Variants in IFT140 observed in about 807,000 individuals in gnomAD.
IFT140 encodes the protein intraflagellar transport protein 140 homolog.
Under a neutral mutation model 164.6 loss-of-function variants are expected in IFT140, and 133 were observed. The ratio of observed to expected loss-of-function variants is 0.81; its 90% confidence interval spans 0.70 to 0.93. IFT140 has a LOEUF of 0.93. Among genes scored for constraint, IFT140 ranks in the 40% least tolerant of loss-of-function variants. IFT140 has a pLI of 0.00. For synonymous variants in IFT140, 860 were observed against 817.3 expected (o/e 1.05, Z -0.89); for missense variants, 2,045 against 1,972.3 (o/e 1.04, Z -0.70).
chr16:1,518,378 G>A, intron 29 of IFT140, 21 bp from the exon 30 acceptor site: 2 of 1,606,278 alleles, frequency 1.2e-6, no homozygotes, highest in Non-Finnish European at 1.7e-6. Flanking sequence ...CAGAGATGAG[G>A]CCTGGGCCCC....
chr16:1,526,935 C>G (rs2040720265), intron 19 of IFT140, 139 bp from the exon 20 acceptor site: 1 of 953,806 alleles, frequency 1.0e-6, no homozygotes. Context: ...CCCATCGGCT[C>G]CGCCCCTGGG....
chr16:1,601,966 C>T (rs932129799), intron 4 of IFT140, among the ~76,000 whole-genome samples: 2 of 152,208 alleles, frequency 1.3e-5, no homozygotes, highest in Non-Finnish European at 2.9e-5. Context: ...GGGCAGCATC[C>T]ACCACCCACC....
intron 30 of IFT140, among the ~76,000 whole-genome samples, chr16:1,513,853 T>C (rs1007770275): frequency 3.4e-5 from 5 of 145,522 alleles, no homozygotes; most frequent in Non-Finnish European, 7.5e-5. Flanking sequence ...TTTTGTATTT[T>C]TAGTAGAGAC....
At chr16:1,583,609 T>C (rs1000609730) in intron 11 of IFT140, among the ~76,000 whole-genome samples, 4 of 151,924 alleles carry the variant, frequency 2.6e-5, no homozygotes, top group Non-Finnish European at 4.4e-5. Flanking sequence ...CTGTTTTTTT[T>C]TTTCTTTTTT....
intron 6 of IFT140, among the ~76,000 whole-genome samples, chr16:1,591,615 T>A (rs2141904252): frequency 6.6e-6 from 1 of 152,286 alleles, no homozygotes; most frequent in Admixed American, 6.5e-5. Flanking sequence ...TTCTTTTAAC[T>A]TCATATTGCA....
rs1035592195 is a variant in IFT140, at chr16:1,553,949, G to C, written c.2399+3986C>G. ...GCTCCTCAAAGATAAAACTGTAAGTGAAACTGTAGCATCAGCGACTAACTA... is the reference window on the plus strand; with the variant it reads ...GCTCCTCAAAGATAAAACTGTAAGTCAAACTGTAGCATCAGCGACTAACTA... On this transcript the variant is annotated intron_variant, in intron 19 of 30. Coordinates refer to ENST00000426508, the MANE Select transcript of IFT140 (RefSeq NM_014714.4). The surrounding 1 kb of genome is among the most constrained non-coding windows in gnomAD (Gnocchi z 4.4). 1 of 1,286,688 alleles carries C rather than the reference G, an allele frequency of 7.8e-7. No homozygotes were observed. Among genetic ancestry groups the C allele is most frequent in the Non-Finnish European group, 1.0e-6 (1 of 988,364 alleles). 79.7% of individuals were successfully genotyped at this position (1,286,688 alleles called of 1,614,324 possible). A position where few individuals can be genotyped will look rare whatever the true frequency, so the allele number is the denominator to read the frequency against.
At chr16:1,568,388 T>C (rs754736976) in intron 14 of IFT140, 54 bp from the exon 15 acceptor site, 1 of 1,394,482 alleles carries the variant, frequency 7.2e-7, no homozygotes, top group Non-Finnish European at 1.0e-6. Flanking sequence ...TTCCCAATTC[T>C]CCGCCCACCC....
intron 18 of IFT140, 144 bp from the exon 19 acceptor site, chr16:1,558,278 T>C (rs944986955): frequency 5.1e-6 from 4 of 779,936 alleles, no homozygotes; most frequent in South Asian, 1.8e-5. Context: ...GCCCAGTCCC[T>C]GCCAGATGCC....
Position 1,523,394 on chromosome 16 carries a change from C to T in IFT140, c.3453+124G>A, listed in dbSNP as rs537329295. Reference sequence around the variant, plus strand: ...TATGTGAAACCTAGGGCAGGGGGCACCCACCGCAGCCTTCCTGGAGAACTC... The same window carrying T: ...TATGTGAAACCTAGGGCAGGGGGCATCCACCGCAGCCTTCCTGGAGAACTC... On this transcript the variant is annotated intron_variant, in intron 26 of 30. Transcript: ENST00000426508. The T allele has an allele frequency of 5.9e-6, 6 of 1,018,872 alleles. No homozygotes were observed. The South Asian group carries it at 6.4e-5, about 11-fold the overall frequency. 63.1% of individuals were successfully genotyped at this position (1,018,872 alleles called of 1,614,324 possible). A position where few individuals can be genotyped will look rare whatever the true frequency, so the allele number is the denominator to read the frequency against.
In IFT140 at chr16:1,588,764, T is replaced by C. The variant is rs567192294; in HGVS notation, c.811-740A>G. On this transcript the variant is annotated intron_variant, in intron 7 of 30. Transcript: ENST00000426508. ...TTAAAGCAAGGTCTGTGGACTGAACTGCATACCCCAAACTCATATGTGGGA... is the reference window on the plus strand; with the variant it reads ...TTAAAGCAAGGTCTGTGGACTGAACCGCATACCCCAAACTCATATGTGGGA... Among the ~76,000 whole-genome samples, 246 of 152,232 alleles carry C rather than the reference T, an allele frequency of 1.6e-3. 1 individual carries two copies. The highest frequency in any genetic ancestry group is 5.6e-3 in the African/African-American group (232 of 41,532).
intron 19 of IFT140, among the ~76,000 whole-genome samples, chr16:1,544,253 G>A (rs1334853319): frequency 6.6e-6 from 1 of 150,600 alleles, no homozygotes; most frequent in African/African-American, 2.5e-5. Flanking sequence ...GCACAATCTC[G>A]GCTCACTGCA....
intron 13 of IFT140, chr16:1,580,157 T>C (rs924832839): frequency 3.3e-5 from 5 of 152,262 alleles, no homozygotes; most frequent in Non-Finnish European, 2.9e-5. Flanking sequence ...TGCAAAGTCA[T>C]CCTTTTCACT....
Position 1,584,270 on chromosome 16 carries a change from C to G in IFT140, c.1306G>C (p.Val436Leu). The G allele has an allele frequency of 6.2e-7, 1 of 1,613,828 alleles. No homozygotes were observed. The highest frequency in any genetic ancestry group is 2.2e-5 in the East Asian group (1 of 44,882). Residue 436 changes from valine to leucine, a missense_variant, in exon 11 of 31, where the codon GTC becomes CTC. Transcript: ENST00000426508. ...ATGTCGGTGCGCAGGCTGTGTGCGACCCCCGTGGACAGGAAGCACACATTC... is the reference window on the plus strand; with the variant it reads ...ATGTCGGTGCGCAGGCTGTGTGCGAGCCCCGTGGACAGGAAGCACACATTC... Reference protein sequence around the residue: ...LLNVCFLSTGVAHSLRTDMHI... With the variant: ...LLNVCFLSTGLAHSLRTDMHI...
intron 19 of IFT140, chr16:1,541,091 A>C (rs2031588231): frequency 2.0e-6 from 2 of 985,206 alleles, no homozygotes; most frequent in Non-Finnish European, 1.2e-6. Flanking sequence ...TCTGAAGTTC[A>C]CTCACAGAAG....
chr16:1,551,291 T>A lies in IFT140; in HGVS notation c.2399+6644A>T, dbSNP rs1459241182. Reference sequence around the variant, plus strand: ...ACACAATGACCACGGCTGGCAGGGGTGGGCAGGTGCAACTCTAAGCCGAGG... The same window carrying A: ...ACACAATGACCACGGCTGGCAGGGGAGGGCAGGTGCAACTCTAAGCCGAGG... On this transcript the variant is annotated intron_variant, in intron 19 of 30. Coordinates refer to ENST00000426508, the MANE Select transcript of IFT140 (RefSeq NM_014714.4). The surrounding 1 kb of genome is among the most constrained non-coding windows in gnomAD (Gnocchi z 4.0). Among the ~76,000 whole-genome samples, 1 of 151,196 alleles carries A rather than the reference T, an allele frequency of 6.6e-6. No homozygotes were observed. The highest frequency in any genetic ancestry group is 2.4e-5 in the African/African-American group (1 of 41,054).
At chr16:1,584,591 TAA>T (rs2034769973) in intron 10 of IFT140, among the ~76,000 whole-genome samples, 171 bp from the exon 11 acceptor site, 1 of 152,090 alleles carries the variant, frequency 6.6e-6, no homozygotes. Context: ...CTTATAAAGG[TAA>T]AGAGTATGCT....
intron 24 of IFT140, 180 bp from the exon 25 acceptor site, chr16:1,524,136 C>G (rs540751784): frequency 1.3e-6 from 1 of 797,788 alleles, no homozygotes; most frequent in South Asian, 1.9e-5. Flanking sequence ...AAGGATTTTC[C>G]GATGCTCTGG....
intron 12 of IFT140, 118 bp downstream of exon 12, chr16:1,583,196 A>C: frequency 1.1e-6 from 1 of 880,320 alleles, no homozygotes; most frequent in Non-Finnish European, 1.9e-6. Context: ...GCAGTAGCAC[A>C]AGGGTCTCCC....
chr16:1,591,095 C>G (rs1039174153), intron 6 of IFT140, among the ~76,000 whole-genome samples: 1 of 152,164 alleles, frequency 6.6e-6, no homozygotes, highest in Non-Finnish European at 1.5e-5. Context: ...TGAGGCACAG[C>G]GATGAACTCA....
Sources: gnomAD v4.1 joint callset for allele counts (sites outside exome capture counted in the v4.1 genomes callset) on GRCh38, gnomAD v4.1.1 for gene constraint, Gnocchi (gnomAD v3.1) non-coding constraint, MANE v1.5 for transcripts, NCBI Gene and HGNC (gene_info 2026-07-23, HGNC 2026-07-21) for gene names.